Variants in RERE observed in about 807,000 individuals in gnomAD.
RERE encodes the protein arginine-glutamic acid dipeptide repeats, also known as arginine-glutamic acid dipeptide repeats protein.
RERE carries 40 observed loss-of-function variants against 146.1 expected under a neutral mutation model. The ratio of observed to expected loss-of-function variants is 0.27; its 90% CI spans 0.21 to 0.36. RERE has a LOEUF of 0.36. Among genes scored for constraint, RERE ranks in the 10% least tolerant of loss-of-function variants. RERE has a pLI of 1.00. For synonymous variants in RERE, 1,003 were observed against 866.0 expected, an observed-to-expected ratio of 1.16 and a Z score of -2.78; for missense variants, 1,933 against 2,138.7, an observed-to-expected ratio of 0.90 and a Z score of 1.90.
intron 12 of RERE, among the ~76,000 whole-genome samples, chr1:8,385,187 T>C (rs1024279108): frequency 1.3e-5 from 2 of 152,250 alleles, no homozygotes; most frequent in Non-Finnish European, 2.9e-5. Flanking sequence ...GAATTTAACA[T>C]GTTCACTGTC....
intron 1 of RERE, among the ~76,000 whole-genome samples, chr1:8,731,451 G>C (rs191030859): frequency 6.6e-6 from 1 of 152,170 alleles, no homozygotes; most frequent in South Asian, 2.1e-4. Flanking sequence ...CACAGAAGGG[G>C]TGAGGGGAGG....
chr1:8,550,531 G>T (rs758532358), intron 6 of RERE, among the ~76,000 whole-genome samples: 7 of 151,086 alleles, frequency 4.6e-5, no homozygotes, highest in South Asian at 4.2e-4. Flanking sequence ...GGTGTTTTTT[G>T]TTGTTGTTGT....
chr1:8,645,296 C>T (rs1647260741), intron 2 of RERE, among the ~76,000 whole-genome samples: 1 of 152,138 alleles, frequency 6.6e-6, no homozygotes, highest in Non-Finnish European at 1.5e-5. Flanking sequence ...TCTGCAGCCA[C>T]CTCTGTTCTT....
chr1:8,460,221 C>T (rs1183085474), intron 11 of RERE, among the ~76,000 whole-genome samples: 5 of 152,114 alleles, frequency 3.3e-5, no homozygotes, highest in African/African-American at 1.2e-4. Context: ...AGATGCCTAG[C>T]TTGAAAAGAG....
chr1:8,511,766 C>T (rs978253127), intron 7 of RERE: 4 of 151,468 alleles, frequency 2.6e-5, no homozygotes, highest in African/African-American at 9.7e-5. Flanking sequence ...GCTCTCCTCT[C>T]TTTTTTCTTT....
At chr1:8,777,358 T>C (rs1641083408) in intron 1 of RERE, among the ~76,000 whole-genome samples, 2 of 152,138 alleles carry the variant, frequency 1.3e-5, no homozygotes, top group Non-Finnish European at 2.9e-5. Flanking sequence ...TGGAGGTGAC[T>C]GTGAAGGGAG....
intron 7 of RERE, chr1:8,519,778 G>A (rs1645467224): frequency 6.6e-6 from 1 of 152,116 alleles, no homozygotes. Flanking sequence ...TTGAATGGCT[G>A]TCTTGCCCTC....
rs903388004 is a variant in RERE, at chr1:8,364,611, C to T, written c.1540+135G>A. ...GTAAACTAAACATTTCTAACTTTCTCGAATCCCGAAGCACAATGCAAATGT... is the reference window on the plus strand; with the variant it reads ...GTAAACTAAACATTTCTAACTTTCTTGAATCCCGAAGCACAATGCAAATGT... On this transcript the variant is annotated intron_variant, in intron 14 of 22. Transcript: ENST00000400908. This position sits in a 1 kb window ranked among gnomAD's most constrained non-coding sequence, Gnocchi z 5.1. 3.2e-5 allele frequency: 22 copies of T among 693,626 alleles called. No homozygotes were observed. The highest frequency in any genetic ancestry group is 4.9e-5 in the Non-Finnish European group (19 of 390,278). The allele number at this position is 693,626 out of a possible 1,614,324, so 43.0% of individuals were successfully genotyped here. A position where few individuals can be genotyped will look rare whatever the true frequency, so the allele number is the denominator to read the frequency against.
intron 4 of RERE, among the ~76,000 whole-genome samples, chr1:8,604,598 AAGGGAGGGAGGG>A (rs796662731): frequency 7.4e-5 from 6 of 80,674 alleles, no homozygotes; most frequent in African/African-American, 2.0e-4. Context: ...GGAAGGAAGG[AAGGGAGGGAGGG>A]AGGGAGGGAG....
intron 12 of RERE, among the ~76,000 whole-genome samples, chr1:8,380,340 CTT>C (rs34580017): frequency 5.4e-3 from 769 of 142,162 alleles, no homozygotes; most frequent in Middle Eastern, 0.011. Flanking sequence ...AGTCAACAGG[CTT>C]TTTTTTTTTT....
chr1:8,621,245 G>A (rs1013585821), intron 3 of RERE, among the ~76,000 whole-genome samples: 9 of 152,080 alleles, frequency 5.9e-5, no homozygotes, highest in Admixed American at 6.6e-5. Context: ...CCACAGACTC[G>A]ATTCTAAGGG....
At chr1:8,600,043 C>A (rs965665660) in intron 4 of RERE, among the ~76,000 whole-genome samples, 1 of 152,150 alleles carries the variant, frequency 6.6e-6, no homozygotes, top group Admixed American at 6.5e-5. Context: ...TGGATCACGG[C>A]GGCGGTTTCC....
chr1:8,513,422 G>C (rs996085875), intron 7 of RERE, among the ~76,000 whole-genome samples: 2 of 152,154 alleles, frequency 1.3e-5, no homozygotes, highest in African/African-American at 4.8e-5. Flanking sequence ...GCAATATATT[G>C]TTGTGGTTAA....
chr1:8,456,265 C>T (rs1489301437), intron 11 of RERE, among the ~76,000 whole-genome samples: 4 of 152,136 alleles, frequency 2.6e-5, no homozygotes, highest in African/African-American at 7.2e-5. Flanking sequence ...TGTTCACTTC[C>T]TGAATTAAAA....
chr1:8,445,437 T>C (rs937832786), intron 11 of RERE, among the ~76,000 whole-genome samples: 2 of 152,204 alleles, frequency 1.3e-5, no homozygotes, highest in African/African-American at 4.8e-5. Context: ...GCACCTTCCA[T>C]TCTGTCACTT....
chr1:8,766,847 G>A (rs948543901), intron 1 of RERE, among the ~76,000 whole-genome samples: 2 of 152,014 alleles, frequency 1.3e-5, no homozygotes, highest in South Asian at 2.1e-4. Context: ...TTTTAAGAAG[G>A]TTTTGTTTTA....
intron 2 of RERE, among the ~76,000 whole-genome samples, chr1:8,633,168 C>T (rs1399658421): frequency 2.0e-5 from 3 of 152,106 alleles, no homozygotes; most frequent in African/African-American, 7.2e-5. Context: ...ACTTATAATC[C>T]CAACACATTG....
intron 4 of RERE, among the ~76,000 whole-genome samples, chr1:8,613,838 A>G (rs1646819712): frequency 1.3e-5 from 2 of 152,116 alleles, no homozygotes; most frequent in African/African-American, 4.8e-5. Flanking sequence ...ATTAAGTCCT[A>G]CCATTACAGG....
intron 7 of RERE, among the ~76,000 whole-genome samples, chr1:8,515,173 C>A (rs1397019536): frequency 6.6e-6 from 1 of 152,096 alleles, no homozygotes; most frequent in Non-Finnish European, 1.5e-5. Flanking sequence ...GAGTTTGAGA[C>A]CAGCCTGGGC....
Sources: allele counts gnomAD v4.1 joint callset (sites outside exome capture counted in the v4.1 genomes callset), GRCh38; gene constraint gnomAD v4.1.1; non-coding constraint Gnocchi (gnomAD v3.1); transcripts MANE v1.5; gene names NCBI Gene and HGNC (gene_info 2026-07-23, HGNC 2026-07-21).